NMRK2: variants seen among roughly 807,000 people sequenced by gnomAD.
NMRK2 encodes the protein NRK 2.
A neutral mutation model predicts 24.7 loss-of-function variants in NMRK2; 34 were observed. The observed-to-expected ratio is 1.37, with a 90% CI of 1.05 to 1.83. NMRK2 has a LOEUF of 1.83. NMRK2 is among the 40% of genes most tolerant of loss of function. NMRK2 has a pLI of 0.00. For synonymous variants in NMRK2, 145 were observed against 125.6 expected, an observed-to-expected ratio of 1.15 and a Z score of -1.03; for missense variants, 341 against 315.0, an observed-to-expected ratio of 1.08 and a Z score of -0.62.
rs138785504 is a variant in NMRK2, at chr19:3,938,601, A to C, written c.167-2A>C. The C allele has an allele frequency of 9.6e-5, 150 of 1,560,276 alleles. No homozygotes were observed. In the African/African-American group the frequency reaches 1.8e-3, roughly 19 times the overall value. On this transcript the variant is annotated splice_acceptor_variant, in intron 4 of 7. Transcript: ENST00000168977. LOFTEE classifies it high-confidence loss of function. ...CTGCAATGCCTGCTCCCCTTTCCCC[A>C]GTGCTGGAGTCTCTGGACATGGAGG...
chr19:3,938,814 CA>C, intron 5 of NMRK2, 55 bp downstream of exon 5: 1 of 602,516 alleles, frequency 1.7e-6, no homozygotes, highest in Non-Finnish European at 2.5e-6. Context: ...CGGGTATAGC[CA>C]TCTCTTGTTT....
chr19:3,941,908 T>C (rs1199975946), intron 7 of NMRK2, among the ~76,000 whole-genome samples, 175 bp from the exon 8 acceptor site: 5 of 152,116 alleles, frequency 3.3e-5, no homozygotes, highest in African/African-American at 9.7e-5. Context: ...CCCAAAGTGC[T>C]AGGATTACAG....
Position 3,942,217 on chromosome 19 carries a change from C to T in NMRK2, c.637C>T (p.Arg213Cys), listed in dbSNP as rs369195071. ...CCCAGCCAGGACACAGGGACCCGGA[C>T]GCGGATGCGGCCACAGAACGGCCAG... ...ARPARTQGPG[R>C]GCGHRTARPA... is the part of the protein sequence containing the mutation. The change falls in exon 8 of 8, where the codon CGC becomes TGC. Residue 213 changes from arginine (R) to cysteine (C), a missense_variant. Arg to Cys is a radical substitution (Grantham distance 180). Coordinates refer to ENST00000168977, the MANE Select transcript of NMRK2 (RefSeq NM_170678.3). 1.6e-5 allele frequency: 25 copies of T among 1,612,806 alleles called. No homozygotes were observed. In the African/African-American group the frequency reaches 2.4e-4, roughly 15 times the overall value.
At chr19:3,940,734 CAAA>C (rs752138779) in intron 6 of NMRK2, among the ~76,000 whole-genome samples, 1,349 of 74,338 alleles carry the variant, frequency 0.018, 20 homozygotes, top group Non-Finnish European at 0.024. Flanking sequence ...GATTCCATCT[CAAA>C]AAAAAAAAAA....
intron 5 of NMRK2, 91 bp downstream of exon 5, chr19:3,938,850 T>TTTTTTTTTTTTTTTTTTTTTTTTTTG (rs2039274687): frequency 1.1e-5 from 2 of 182,782 alleles, no homozygotes; most frequent in Non-Finnish European, 1.5e-5. Context: ...TTTTGTTTTG[T>TTTTTTTTTTTTTTTTTTTTTTTTTTG]TTTTTTTTTT....
intron 2 of NMRK2, among the ~76,000 whole-genome samples, chr19:3,934,912 AT>A (rs1264246446): frequency 2.0e-5 from 3 of 151,974 alleles, no homozygotes; most frequent in African/African-American, 4.8e-5. Context: ...GAAGCCTCGA[AT>A]TTTCATTTTG....
At chr19:3,940,103 TC>T in intron 6 of NMRK2, 132 bp downstream of exon 6, 1 of 759,586 alleles carries the variant, frequency 1.3e-6, no homozygotes, top group Admixed American at 2.4e-5. Context: ...TCCCAGCACT[TC>T]CGGAGGCTGA....
chr19:3,936,473 ACAGGCCCCGGGGAGCCCAGGCTGCACCT>A, intron 2 of NMRK2, 74 bp from the exon 3 acceptor site: 1 of 691,466 alleles, frequency 1.4e-6, no homozygotes, highest in Non-Finnish European at 2.3e-6. Context: ...TGAGACATGG[ACAGGCCCCGGGGAGCCCAGGCTGCACCT>A]CAGGCCCCCT....
At chr19:3,934,955 G>C (rs1001583582) in intron 2 of NMRK2, among the ~76,000 whole-genome samples, 1 of 151,994 alleles carries the variant, frequency 6.6e-6, no homozygotes, top group African/African-American at 2.4e-5. Flanking sequence ...CAGCCCACCC[G>C]GGGCACAAAA....
intron 2 of NMRK2, among the ~76,000 whole-genome samples, chr19:3,936,269 G>T (rs1368044697): frequency 6.6e-6 from 1 of 151,954 alleles, no homozygotes; most frequent in African/African-American, 2.4e-5. Flanking sequence ...TTAGCCAGGC[G>T]TGGTGGCGTG....
chr19:3,936,596 C>T lies in NMRK2; in HGVS notation c.48C>T (p.Thr16=), dbSNP rs1315816933. 3 of 1,565,654 alleles carry T rather than the reference C, an allele frequency of 1.9e-6. No individual in the cohort carries two copies. The highest frequency in any genetic ancestry group is 2.7e-5 in the African/African-American group (2 of 73,774). The part of the protein sequence containing the change: ...GIGGMTNGGK[T]TLTNSLLRAL... The stretch of plus-strand genomic sequence containing the variant: ...CCAGCATGACCAACGGCGGCAAGAC[C>T]ACGCTGACCAACAGCCTGCTCAGAG... The change falls in exon 3 of 8, where the codon ACC becomes ACT. Residue 16 remains threonine (T), a synonymous_variant. Transcript: ENST00000168977.
At chr19:3,934,410 G>A (rs2039175265) in intron 2 of NMRK2, among the ~76,000 whole-genome samples, 3 of 152,128 alleles carry the variant, frequency 2.0e-5, no homozygotes, top group Admixed American at 2.0e-4. Context: ...TCTCTCAGGC[G>A]ACCTCAGGCT....
intron 5 of NMRK2, among the ~76,000 whole-genome samples, chr19:3,939,009 G>A (rs936776183): frequency 1.5e-4 from 22 of 151,342 alleles, no homozygotes; most frequent in Non-Finnish European, 2.5e-4. Flanking sequence ...CATCACACCC[G>A]GCTAATTTTT....
chr19:3,939,880 G>C lies in NMRK2; in HGVS notation c.324-20G>C. ...AGGAAAGCTCACAGGTGCTGACCGT[G>C]TCTCCCCCACTCCGCCCAGGCCCCT... On this transcript the variant is annotated intron_variant, in intron 5 of 7. Coordinates refer to ENST00000168977, the MANE Select transcript of NMRK2 (RefSeq NM_170678.3). 1 of 1,608,720 alleles carries C rather than the reference G, an allele frequency of 6.2e-7. No individual in the cohort carries two copies. Among genetic ancestry groups the C allele is most frequent in the Non-Finnish European group, 8.5e-7 (1 of 1,175,338 alleles).
Position 3,939,945 on chromosome 19 carries a change from G to C in NMRK2, c.369G>C (p.Pro123=), listed in dbSNP as rs369553268. 6.2e-7 allele frequency: 1 copy of C among 1,612,204 alleles called. No individual in the cohort carries two copies. The highest frequency in any genetic ancestry group is 8.5e-7 in the Non-Finnish European group (1 of 1,178,478). Residue 123 remains proline (P), a synonymous_variant, in exon 6 of 8, where the codon CCG becomes CCC. Transcript: ENST00000168977. ...LYSRRYFLTV[P]YEECKWRRST... ...GCCGCCGGTACTTCCTGACCGTCCC[G>C]TATGAAGAGTGCAAGTGGAGGAGAA...
At chr19:3,934,180 G>A (rs561035406) in intron 2 of NMRK2, among the ~76,000 whole-genome samples, 64 of 152,268 alleles carry the variant, frequency 4.2e-4, no homozygotes, top group Admixed American at 7.2e-4. Flanking sequence ...TCCGGGAGAT[G>A]GAGGTTGCAG....
rs200487219 is a variant in NMRK2, at chr19:3,937,270, G to A, written c.148G>A (p.Gly50Ser). 6 of 1,613,264 alleles carry A rather than the reference G, an allele frequency of 3.7e-6. No individual in the cohort carries two copies. Among genetic ancestry groups the A allele is most frequent in the Middle Eastern group, 1.7e-4 (1 of 6,058 alleles). The change falls in exon 4 of 8, where the codon GGC becomes AGC. Residue 50 changes from glycine to serine, a missense_variant. Transcript: ENST00000168977. ...PQDQIAVGED[G>S]FKQWDVLESL... is the part of the protein sequence containing the mutation. ...AGACCAAATAGCAGTTGGGGAAGAC[G>A]GCTTCAAACAGTGGGACGGTAAGGA... is the stretch of plus-strand genomic sequence containing the variant.
intron 6 of NMRK2, among the ~76,000 whole-genome samples, chr19:3,940,373 C>T (rs1051841845): frequency 8.9e-5 from 13 of 145,754 alleles, no homozygotes; most frequent in Admixed American, 3.4e-4. Flanking sequence ...CGGCCAGGCG[C>T]GGTGGCTCAC....
intron 5 of NMRK2, 87 bp downstream of exon 5, chr19:3,938,846 T>TTG (rs2039273679): frequency 3.0e-6 from 1 of 338,632 alleles, no homozygotes; most frequent in Non-Finnish European, 4.1e-6. Flanking sequence ...TTTTTTTTGT[T>TTG]TTGTTTTTTT....
Sources: gnomAD v4.1 joint callset for allele counts (sites outside exome capture counted in the v4.1 genomes callset) on GRCh38, gnomAD v4.1.1 for gene constraint, MANE v1.5 for transcripts, NCBI Gene and HGNC (gene_info 2026-07-23, HGNC 2026-07-21) for gene names.